The following DCC variants were observed in gnomAD, a reference collection of about 807,000 sequenced individuals.
The protein encoded by DCC is netrin receptor DCC.
A neutral mutation model predicts 172.5 loss-of-function variants in DCC; 58 were observed. That is an observed-to-expected ratio of 0.34 (90% CI 0.27 to 0.42). The LOEUF (loss-of-function observed/expected upper bound fraction) is 0.42. Among genes scored for constraint, DCC ranks in the 10% least tolerant of loss-of-function variants. The pLI, the probability that DCC is intolerant of heterozygous loss-of-function variation, is 1.00. For synonymous variants in DCC, 709 were observed against 644.5 expected, an observed-to-expected ratio of 1.10 and a Z score of -1.52; for missense variants, 1,740 against 1,791.0, an observed-to-expected ratio of 0.97 and a Z score of 0.51.
chr18:52,439,010 A>G (rs1302931862), intron 1 of DCC, among the ~76,000 whole-genome samples: 1 of 152,158 alleles, frequency 6.6e-6, no homozygotes, highest in Non-Finnish European at 1.5e-5. Flanking sequence ...GGGAATAATG[A>G]ATTTTCTCTA....
chr18:52,668,861 CT>C (rs1381083647), intron 1 of DCC, among the ~76,000 whole-genome samples: 1 of 152,204 alleles, frequency 6.6e-6, no homozygotes, highest in Non-Finnish European at 1.5e-5. Context: ...CAACTCTTGT[CT>C]CTTCAGTTAG....
chr18:52,466,652 C>G (rs759589318), intron 1 of DCC, among the ~76,000 whole-genome samples: 3 of 152,034 alleles, frequency 2.0e-5, no homozygotes, highest in Non-Finnish European at 4.4e-5. Context: ...GGCTATTCGA[C>G]CAAAATAAAA....
intron 1 of DCC, among the ~76,000 whole-genome samples, chr18:52,724,603 A>G (rs538555757): frequency 1.3e-5 from 2 of 152,302 alleles, no homozygotes; most frequent in South Asian, 4.1e-4. Flanking sequence ...AAATCTTCCT[A>G]AGATTTACCA....
At chr18:53,446,683 G>T (rs952234688) in intron 22 of DCC, among the ~76,000 whole-genome samples, 5 of 152,216 alleles carry the variant, frequency 3.3e-5, no homozygotes, top group African/African-American at 1.2e-4. Context: ...GTGTTTTCAT[G>T]GCCATTCATG....
chr18:53,245,251 T>C (rs1287571805), intron 12 of DCC, among the ~76,000 whole-genome samples: 1 of 152,118 alleles, frequency 6.6e-6, no homozygotes, highest in Admixed American at 6.6e-5. Context: ...ATCTGCTTTA[T>C]ATATTGTGAC....
chr18:52,875,251 G>A (rs1274342113), intron 2 of DCC, among the ~76,000 whole-genome samples: 2 of 151,032 alleles, frequency 1.3e-5, no homozygotes, highest in African/African-American at 4.9e-5. Flanking sequence ...TCTGAAAAAA[G>A]GCTACTGGCT....
chr18:52,679,511 T>G (rs536865701), intron 1 of DCC, among the ~76,000 whole-genome samples: 36 of 152,300 alleles, frequency 2.4e-4, no homozygotes, highest in Non-Finnish European at 4.6e-4. Context: ...TGCCTGGACA[T>G]GTTGGTTGCT....
chr18:53,514,994 A>C (rs1000269825), intron 27 of DCC, among the ~76,000 whole-genome samples: 22 of 151,434 alleles, frequency 1.5e-4, no homozygotes, highest in African/African-American at 2.7e-4. Flanking sequence ...GAGACACAAC[A>C]AAAAAAGAGA....
chr18:52,806,915 T>C (rs1007642), intron 2 of DCC, among the ~76,000 whole-genome samples: 6,811 of 152,182 alleles, frequency 0.045, 248 homozygotes, highest in South Asian at 0.17. Flanking sequence ...GCAGAGTTGG[T>C]TAGGTGCAGT....
intron 7 of DCC, among the ~76,000 whole-genome samples, chr18:53,121,840 C>T (rs928406275): frequency 1.3e-5 from 2 of 151,958 alleles, no homozygotes; most frequent in Middle Eastern, 3.4e-3. Flanking sequence ...ATACCTACTG[C>T]TCACAGTTCT....
chr18:52,953,821 A>G (rs1317751866), intron 5 of DCC, among the ~76,000 whole-genome samples: 5 of 152,190 alleles, frequency 3.3e-5, no homozygotes, highest in Non-Finnish European at 5.9e-5. Flanking sequence ...CACGAGTCCA[A>G]AATGATCACT....
chr18:52,432,230 G>A (rs766788679), intron 1 of DCC, among the ~76,000 whole-genome samples: 11 of 152,102 alleles, frequency 7.2e-5, no homozygotes, highest in Non-Finnish European at 1.5e-4. Context: ...ATAATGCATG[G>A]CTCTCATGAT....
At chr18:52,431,160 C>G (rs1987608635) in intron 1 of DCC, among the ~76,000 whole-genome samples, 1 of 152,056 alleles carries the variant, frequency 6.6e-6, no homozygotes, top group African/African-American at 2.4e-5. Flanking sequence ...GACACTCACC[C>G]AAATATACTG....
At chr18:52,700,283 C>T (rs2036095924) in intron 1 of DCC, among the ~76,000 whole-genome samples, 1 of 82,550 alleles carries the variant, frequency 1.2e-5, no homozygotes, top group Non-Finnish European at 2.7e-5. Flanking sequence ...CACACATGCA[C>T]ACACATGCAC....
intron 12 of DCC, among the ~76,000 whole-genome samples, chr18:53,256,108 T>C (rs1338327171): frequency 6.6e-6 from 1 of 152,222 alleles, no homozygotes; most frequent in Non-Finnish European, 1.5e-5. Flanking sequence ...AGATTCTGGA[T>C]ATTAGCCCTT....
At chr18:53,016,321 C>A (rs1404769101) in intron 5 of DCC, among the ~76,000 whole-genome samples, 5 of 152,026 alleles carry the variant, frequency 3.3e-5, no homozygotes, top group African/African-American at 1.2e-4. Context: ...TGGTTACATT[C>A]AAAGGCATGT....
At chr18:52,980,423 A>G (rs1464891620) in intron 5 of DCC, among the ~76,000 whole-genome samples, 1 of 152,162 alleles carries the variant, frequency 6.6e-6, no homozygotes, top group Non-Finnish European at 1.5e-5. Flanking sequence ...CCGGTTATCT[A>G]GACAGTTATA....
At chr18:53,358,978 A>AT (rs971449176) in intron 15 of DCC, among the ~76,000 whole-genome samples, 2 of 152,142 alleles carry the variant, frequency 1.3e-5, no homozygotes, top group Non-Finnish European at 2.9e-5. Flanking sequence ...TTGTTAGAAG[A>AT]TTTTTCCTAG....
intron 2 of DCC, among the ~76,000 whole-genome samples, chr18:52,879,476 T>TGCAGTG (rs2039452646): frequency 7.2e-6 from 1 of 138,514 alleles, no homozygotes; most frequent in African/African-American, 2.7e-5. Context: ...CAGGCTGGAG[T>TGCAGTG]GCAGTGGCAC....
Sources: allele counts gnomAD v4.1 joint callset (sites outside exome capture counted in the v4.1 genomes callset), GRCh38; gene constraint gnomAD v4.1.1; transcripts MANE v1.5; gene names NCBI Gene and HGNC (gene_info 2026-07-23, HGNC 2026-07-21).